Variants in ATP1A4 observed in about 807,000 individuals in gnomAD.
ATP1A4 encodes the protein sodium/potassium-transporting ATPase subunit alpha-4.
ATP1A4 carries 90 observed loss-of-function variants against 114.3 expected under a neutral mutation model. The ratio of observed to expected loss-of-function variants is 0.79; its 90% confidence interval spans 0.66 to 0.94. The LOEUF (loss-of-function observed/expected upper bound fraction) is 0.94. Ranked by LOEUF, ATP1A4 falls within the 40% of genes least tolerant of loss-of-function variation. The pLI, the probability that ATP1A4 is intolerant of heterozygous loss-of-function variation, is 0.00. For synonymous variants in ATP1A4, 511 were observed against 494.1 expected, an observed-to-expected ratio of 1.03 and a Z score of -0.45; for missense variants, 1,222 against 1,313.6, an observed-to-expected ratio of 0.93 and a Z score of 1.08.
At chr1:160,152,299 T>C (rs1652486487) in intron 1 of ATP1A4, 112 bp downstream of exon 1, 1 of 1,237,716 alleles carries the variant, frequency 8.1e-7, no homozygotes, top group Non-Finnish European at 1.1e-6. Context: ...ACATCTCTTC[T>C]CTGTTAGGCT....
In ATP1A4 at chr1:160,176,391, C is replaced by A. The variant is rs376640007; in HGVS notation, c.2467-88C>A. The A allele has an allele frequency of 2.5e-6, 4 of 1,598,962 alleles. No homozygotes were observed. The East Asian group carries it at 6.7e-5, about 27-fold the overall frequency. On this transcript the variant is annotated intron_variant, in intron 16 of 21. Transcript: ENST00000368081. ...CCTCCTGCAAGATGGATTGAGGCTGCGTCAAGACAGAATGGTAGAGCTTGA... is the reference window on the plus strand; with the variant it reads ...CCTCCTGCAAGATGGATTGAGGCTGAGTCAAGACAGAATGGTAGAGCTTGA...
At chr1:160,186,513 C>A in intron 21 of ATP1A4, 146 bp downstream of exon 21, 2 of 1,060,300 alleles carry the variant, frequency 1.9e-6, no homozygotes, top group East Asian at 2.5e-5. Context: ...CGAGACCTCT[C>A]TACCCCTTGG....
At position 160,163,787 on chromosome 1, in the gene ATP1A4, A is replaced by G. The variant is rs79102574; in HGVS notation, c.779-369A>G. On this transcript the variant is annotated intron_variant, in intron 6 of 21. Coordinates refer to ENST00000368081, the MANE Select transcript of ATP1A4 (RefSeq NM_144699.4). Reference sequence around the variant, plus strand: ...TCCTCCCTTCCAAAGAGGTCAGTCCATGAACTGCAAGTTCCAACTCTCTAA... The same window carrying G: ...TCCTCCCTTCCAAAGAGGTCAGTCCGTGAACTGCAAGTTCCAACTCTCTAA... Among the ~76,000 whole-genome samples, 39 of 152,306 alleles carry G rather than the reference A, an allele frequency of 2.6e-4. 1 individual carries two copies. In the East Asian group the frequency reaches 7.3e-3, roughly 29 times the overall value.
intron 16 of ATP1A4, 102 bp downstream of exon 16, chr1:160,176,348 T>A: frequency 6.3e-7 from 1 of 1,585,440 alleles, no homozygotes; most frequent in South Asian, 1.1e-5. Context: ...ACAACCCACT[T>A]ATGATCCAGC....
chr1:160,179,003 A>G (rs2101653682), intron 18 of ATP1A4, among the ~76,000 whole-genome samples: 1 of 152,350 alleles, frequency 6.6e-6, no homozygotes, highest in East Asian at 1.9e-4. Flanking sequence ...TGATCTAGGA[A>G]GATTCTGTAA....
In ATP1A4 at chr1:160,176,362, C is replaced by T. The variant is rs1189750115; in HGVS notation, c.2466+116C>T. The T allele has an allele frequency of 1.3e-5, 20 of 1,582,208 alleles. No homozygotes were observed. The South Asian group carries it at 1.5e-4, about 12-fold the overall frequency. On this transcript the variant is annotated intron_variant, in intron 16 of 21. Transcript: ENST00000368081. The stretch of plus-strand genomic sequence containing the variant: ...GACAACCCACTTATGATCCAGCTCT[C>T]GCACCTCCTGCAAGATGGATTGAGG...
At position 160,173,552 on chromosome 1, in the gene ATP1A4, G is replaced by A. The variant is rs750203842; in HGVS notation, c.1855-29G>A. ...GGATCCGGGCTCTGAAGATGATTCTGCTCCTCTTCCCTCTCCTTCCCAACC... is the reference window on the plus strand; with the variant it reads ...GGATCCGGGCTCTGAAGATGATTCTACTCCTCTTCCCTCTCCTTCCCAACC... On this transcript the variant is annotated intron_variant, in intron 12 of 21. Coordinates refer to ENST00000368081, the MANE Select transcript of ATP1A4 (RefSeq NM_144699.4). The A allele has an allele frequency of 2.5e-6, 4 of 1,605,334 alleles. No homozygotes were observed. The Admixed American group carries it at 5.0e-5, about 20-fold the overall frequency.
chr1:160,156,579 C>A (rs1189994516), intron 4 of ATP1A4, among the ~76,000 whole-genome samples: 2 of 152,102 alleles, frequency 1.3e-5, no homozygotes, highest in Non-Finnish European at 2.9e-5. Context: ...TGGCTCACGC[C>A]TGTAATCCCA....
At chr1:160,185,439 T>C (rs1653845238) in intron 20 of ATP1A4, among the ~76,000 whole-genome samples, 1 of 152,004 alleles carries the variant, frequency 6.6e-6, no homozygotes, top group African/African-American at 2.4e-5. Flanking sequence ...TTCTGTCTCG[T>C]GCCTCTCCTC....
intron 10 of ATP1A4, 174 bp from the exon 11 acceptor site, chr1:160,171,077 A>G: frequency 1.8e-6 from 1 of 549,852 alleles, no homozygotes. Context: ...GTTTTCTGGA[A>G]AAAGGAGGAG....
chr1:160,152,854 T>C (rs1198027507), intron 1 of ATP1A4, among the ~76,000 whole-genome samples: 2 of 151,896 alleles, frequency 1.3e-5, no homozygotes, highest in Non-Finnish European at 2.9e-5. Flanking sequence ...CTGGCCAACA[T>C]GGTGAAACCC....
Position 160,152,128 on chromosome 1 carries a change from ATGG to A in ATP1A4, c.91_93del (p.Val31del), listed in dbSNP as rs1339292757. Reference sequence around the variant, plus strand: ...TAAAAAAGGGCTTATCAAGAAAAAAATGGTGAAGAGGGAAAAACAGAAGCGCAA... The same window carrying A: ...TAAAAAAGGGCTTATCAAGAAAAAAATGAAGAGGGAAAAACAGAAGCGCAA... On this transcript the variant is annotated inframe_deletion, in exon 1 of 22. Transcript: ENST00000368081. 2.5e-6 allele frequency: 4 copies of A among 1,614,130 alleles called. No homozygotes were observed. Among genetic ancestry groups the A allele is most frequent in the Middle Eastern group, 3.3e-4 (2 of 6,062 alleles).
At chr1:160,175,120 TCC>T (rs1203624917) in intron 15 of ATP1A4, among the ~76,000 whole-genome samples, 1 of 151,632 alleles carries the variant, frequency 6.6e-6, no homozygotes, top group Non-Finnish European at 1.5e-5. Flanking sequence ...TTTAGGAGGG[TCC>T]CCTAGGAACC....
intron 6 of ATP1A4, among the ~76,000 whole-genome samples, 191 bp from the exon 7 acceptor site, chr1:160,163,965 A>G (rs1571017805): frequency 1.3e-5 from 2 of 152,182 alleles, no homozygotes; most frequent in East Asian, 3.8e-4. Flanking sequence ...CACTCAAGAA[A>G]TTACAAGGGT....
Position 160,167,052 on chromosome 1 carries a change from A to T in ATP1A4, c.1331A>T (p.Asn444Ile). ...GLCNRADFKANQEILPIAKRA... is the reference protein window; with the variant it reads ...GLCNRADFKAIQEILPIAKRA... ...TGCAACCGGGCTGACTTTAAGGCTA[A>T]TCAGGAGATCCTGCCCATTGCTAAG... Residue 444 changes from asparagine (N) to isoleucine (I), a missense_variant, in exon 9 of 22, where the codon AAT becomes ATT. Transcript: ENST00000368081. 1 of 1,614,140 alleles carries T rather than the reference A, an allele frequency of 6.2e-7. No individual in the cohort carries two copies. The highest frequency in any genetic ancestry group is 8.5e-7 in the Non-Finnish European group (1 of 1,180,004).
rs1267016202 is a variant in ATP1A4 at position 160,153,366 on chromosome 1, A to G, written c.207+142A>G. 25 of 674,500 alleles carry G rather than the reference A, an allele frequency of 3.7e-5. 1 individual carries two copies. The Admixed American group carries it at 5.2e-4, about 14-fold the overall frequency. The allele number at this position is 674,500 out of a possible 1,614,324, so 41.8% of individuals were successfully genotyped here. A position where few individuals can be genotyped will look rare whatever the true frequency, so the allele number is the denominator to read the frequency against. On this transcript the variant is annotated intron_variant, in intron 2 of 21. Transcript: ENST00000368081. ...CTCACCCTCTGCCTGGCCACGTTCC[A>G]TGGACACTACCTGGAAAAAGCTGCA...
chr1:160,167,180 C>G, intron 9 of ATP1A4, 98 bp from the exon 10 acceptor site: 1 of 1,561,902 alleles, frequency 6.4e-7, no homozygotes, highest in South Asian at 1.1e-5. Context: ...CCCAGGTACC[C>G]GCCCTCCCCA....
rs1184089546 is a variant in ATP1A4 at position 160,164,414 on chromosome 1, C to T, written c.1037C>T (p.Ala346Val). The change falls in exon 7 of 22, where the codon GCC becomes GTC. Residue 346 changes from alanine to valine, a missense_variant. Coordinates refer to ENST00000368081, the MANE Select transcript of ATP1A4 (RefSeq NM_144699.4). ...GCCAATGTGCCTGAGGGGCTGTTGG[C>T]CACAGTCACTGTGAGTAGACAGGGT... ...IVANVPEGLL[A>V]TVTVCLTLTA... The T allele has an allele frequency of 2.5e-6, 4 of 1,614,114 alleles. No homozygotes were observed. The highest frequency in any genetic ancestry group is 2.2e-5 in the South Asian group (2 of 91,082).
chr1:160,163,914 AACTC>A (rs966032001), intron 6 of ATP1A4, among the ~76,000 whole-genome samples: 14 of 152,092 alleles, frequency 9.2e-5, no homozygotes, highest in Admixed American at 6.6e-4. Context: ...TCACCCAGGA[AACTC>A]CAAGGCATTT....
Sources: gnomAD v4.1 joint callset for allele counts (sites outside exome capture counted in the v4.1 genomes callset) on GRCh38, gnomAD v4.1.1 for gene constraint, MANE v1.5 for transcripts, NCBI Gene and HGNC (gene_info 2026-07-23, HGNC 2026-07-21) for gene names.